The following FBXL20 variants were observed in gnomAD, a reference collection of about 807,000 sequenced individuals.
FBXL20 encodes F-box/LRR-repeat protein 20.
FBXL20 carries 11 observed loss-of-function variants against 64.0 expected under a neutral mutation model. That is an observed-to-expected ratio of 0.17 (90% confidence interval 0.11 to 0.28). The LOEUF is 0.28. Ranked by LOEUF, FBXL20 falls within the 10% of genes least tolerant of loss-of-function variation. FBXL20 has a pLI of 1.00. For missense variants in FBXL20, 303 were observed against 526.2 expected, an observed-to-expected ratio of 0.58 and a Z score of 4.15; for synonymous variants, 184 against 189.0, an observed-to-expected ratio of 0.97 and a Z score of 0.22.
At chr17:39,280,358 C>T (rs1414812509) in intron 9 of FBXL20, among the ~76,000 whole-genome samples, 3 of 141,730 alleles carry the variant, frequency 2.1e-5, no homozygotes, top group Non-Finnish European at 4.5e-5. Flanking sequence ...GCCGAGATAG[C>T]GTCACTGCAC....
chr17:39,402,331 T>C, upstream of FBXL20: 1 of 711,590 alleles, frequency 1.4e-6, no homozygotes, highest in Middle Eastern at 4.6e-4. Context: ...TGCATTACAT[T>C]ACGGGGTGCT....
At chr17:39,375,195 A>C (rs2047955536) in intron 1 of FBXL20, among the ~76,000 whole-genome samples, 1 of 152,172 alleles carries the variant, frequency 6.6e-6, no homozygotes, top group South Asian at 2.1e-4. Flanking sequence ...GACGAGGAGA[A>C]GACATGGCCC....
At chr17:39,315,707 G>C (rs994064739) in intron 2 of FBXL20, among the ~76,000 whole-genome samples, 4 of 151,996 alleles carry the variant, frequency 2.6e-5, no homozygotes, top group Non-Finnish European at 5.9e-5. Flanking sequence ...GATAAACCTA[G>C]TGCGGGCTTT....
chr17:39,402,135 C>G (rs1013132928), upstream of FBXL20: 19 of 1,233,022 alleles, frequency 1.5e-5, no homozygotes, highest in Non-Finnish European at 1.9e-5. Flanking sequence ...GCACCCGCAT[C>G]CTTCCCGGCC....
At chr17:39,331,112 G>A (rs938362148) in intron 2 of FBXL20, among the ~76,000 whole-genome samples, 3 of 152,090 alleles carry the variant, frequency 2.0e-5, no homozygotes, top group East Asian at 1.9e-4. Context: ...TTTTATTTTC[G>A]TTTTGTTTTG....
intron 1 of FBXL20, among the ~76,000 whole-genome samples, chr17:39,353,309 C>T (rs936599147): frequency 1.3e-5 from 2 of 152,064 alleles, no homozygotes; most frequent in Non-Finnish European, 2.9e-5. Flanking sequence ...CTAAGTACCT[C>T]CTTATCAGTG....
At chr17:39,377,561 C>T (rs537521617) in intron 1 of FBXL20, among the ~76,000 whole-genome samples, 18 of 150,460 alleles carry the variant, frequency 1.2e-4, no homozygotes, top group Non-Finnish European at 2.2e-4. Flanking sequence ...AGTGCAGTGG[C>T]GCGATCTAGG....
At position 39,264,211 on chromosome 17, in the gene FBXL20, G is replaced by T; in HGVS notation, c.1167C>A (p.Cys389Ter). Residue 389 changes from cysteine to a stop codon, truncating the protein, a stop_gained, in exon 14 of 15, where the codon TGC (cysteine) becomes TGA (stop). Transcript: ENST00000264658. LOFTEE classifies it high-confidence loss of function. ...HSLERIELYDCQQITRAGIKR... is the reference protein window; with the variant it reads ...HSLERIELYD ...TGATTCCAGCCCGTGTGATTTGCTG[G>T]CAGTCATAGAGTTCTATCCGCTCAA... is the stretch of plus-strand genomic sequence containing the variant. 1 of 1,614,208 alleles carries T rather than the reference G, an allele frequency of 6.2e-7. No homozygotes were observed.
chr17:39,309,294 G>A (rs759553948), intron 2 of FBXL20, among the ~76,000 whole-genome samples: 1 of 152,026 alleles, frequency 6.6e-6, no homozygotes, highest in East Asian at 1.9e-4. Flanking sequence ...TTGAGTTATC[G>A]TCTATAATTC....
chr17:39,374,943 C>T (rs1255910672), intron 1 of FBXL20, among the ~76,000 whole-genome samples: 1 of 152,140 alleles, frequency 6.6e-6, no homozygotes, highest in Admixed American at 6.6e-5. Context: ...CGTGCCACCA[C>T]ACCCAGCTAA....
intron 12 of FBXL20, among the ~76,000 whole-genome samples, chr17:39,266,756 G>A (rs568712613): frequency 1.5e-4 from 23 of 152,326 alleles, no homozygotes; most frequent in South Asian, 6.2e-4. Flanking sequence ...CCTGTTCTAT[G>A]AGAATCCACT....
intron 1 of FBXL20, among the ~76,000 whole-genome samples, chr17:39,349,965 CTTTG>C (rs893834636): frequency 6.0e-5 from 9 of 150,678 alleles, no homozygotes; most frequent in African/African-American, 2.2e-4. Context: ...GCAGTCAAAA[CTTTG>C]TTTCATGCCC....
chr17:39,273,743 C>T (rs1241908622), intron 10 of FBXL20, among the ~76,000 whole-genome samples: 3 of 151,614 alleles, frequency 2.0e-5, no homozygotes, highest in African/African-American at 7.3e-5. Context: ...TCGCTTGAAC[C>T]CAGGAGACGG....
chr17:39,377,210 GC>G (rs2047975637), intron 1 of FBXL20, among the ~76,000 whole-genome samples: 1 of 152,144 alleles, frequency 6.6e-6, no homozygotes, highest in Admixed American at 6.5e-5. Context: ...TGATGGATCA[GC>G]TGGCACCACC....
In FBXL20 at chr17:39,258,304, C is replaced by T. The variant is rs556747390; in HGVS notation, c.*3156G>A. On this transcript the variant is annotated 3_prime_UTR_variant, in exon 15 of 15. Coordinates refer to ENST00000264658, the MANE Select transcript of FBXL20 (RefSeq NM_032875.3). ...CTCCTTTCCACCTGACCAAAACTTA[C>T]CATGCTTTGTGTTCTCTCAAAGTCC... The T allele has an allele frequency of 4.0e-4, 61 of 152,320 alleles. No individual in the cohort carries two copies. Among genetic ancestry groups the T allele is most frequent in the African/African-American group, 1.4e-3 (60 of 41,580 alleles). 9.4% of individuals were successfully genotyped at this position (152,320 alleles called of 1,614,324 possible). A position where few individuals can be genotyped will look rare whatever the true frequency, so the allele number is the denominator to read the frequency against.
intron 9 of FBXL20, among the ~76,000 whole-genome samples, chr17:39,279,887 G>A (rs2046932836): frequency 6.6e-6 from 1 of 151,450 alleles, no homozygotes; most frequent in Non-Finnish European, 1.5e-5. Flanking sequence ...GCAAGACTCT[G>A]TCCCAAAAAT....
upstream of FBXL20, chr17:39,402,015 T>C: frequency 1.7e-6 from 1 of 591,598 alleles, no homozygotes; most frequent in Non-Finnish European, 2.5e-6. Context: ...CTGCCCCGTG[T>C]CCCCCTCTCC....
At chr17:39,384,414 A>C (rs1414377593) in intron 1 of FBXL20, among the ~76,000 whole-genome samples, 7 of 151,668 alleles carry the variant, frequency 4.6e-5, no homozygotes. Flanking sequence ...AGTCCCAGCT[A>C]CTCAAGAGGC....
intron 9 of FBXL20, among the ~76,000 whole-genome samples, chr17:39,277,754 C>CAA (rs34095802): frequency 2.6e-4 from 23 of 89,876 alleles, no homozygotes; most frequent in African/African-American, 6.9e-4. Flanking sequence ...AACTCCGTCT[C>CAA]AAAAAAAAAA....
Sources: allele counts gnomAD v4.1 joint callset (sites outside exome capture counted in the v4.1 genomes callset), GRCh38; gene constraint gnomAD v4.1.1; transcripts MANE v1.5; gene names NCBI Gene and HGNC (gene_info 2026-07-23, HGNC 2026-07-21).